Variants in SNTB1 observed in about 807,000 individuals in gnomAD.
The protein encoded by SNTB1 is beta-1-syntrophin.
In SNTB1, 36 loss-of-function variants were observed where a neutral mutation model predicts 48.9. That is an observed-to-expected ratio of 0.74 (90% CI 0.56 to 0.97). The LOEUF (loss-of-function observed/expected upper bound fraction) is 0.97, where lower values mean the gene tolerates loss of function less well. SNTB1 is among the 50% of genes least tolerant of loss of function. SNTB1 has a pLI of 0.00. For synonymous variants in SNTB1, 299 were observed against 294.6 expected, an observed-to-expected ratio of 1.01 and a Z score of -0.15; for missense variants, 786 against 703.4, an observed-to-expected ratio of 1.12 and a Z score of -1.33.
At chr8:120,689,152 G>A (rs545678651) in intron 2 of SNTB1, among the ~76,000 whole-genome samples, 1 of 152,338 alleles carries the variant, frequency 6.6e-6, no homozygotes, top group African/African-American at 2.4e-5. Context: ...CAGCAATCCT[G>A]CCTGCTGTTC....
At position 120,594,670 on chromosome 8, in the gene SNTB1, G is replaced by A. The variant is rs529436372; in HGVS notation, c.997-19445C>T. Among the ~76,000 whole-genome samples, 13 of 152,238 alleles carry A rather than the reference G, an allele frequency of 8.5e-5. No individual in the cohort carries two copies. In the South Asian group the frequency reaches 1.9e-3, roughly 22 times the overall value. Reference sequence around the variant, plus strand: ...ATTACAGGTGAAAGCCATGGCAACCGGCTGCTCATGTCTTAATGTATAAAT... The same window carrying A: ...ATTACAGGTGAAAGCCATGGCAACCAGCTGCTCATGTCTTAATGTATAAAT... On this transcript the variant is annotated intron_variant, in intron 3 of 6. Transcript: ENST00000517992.
chr8:120,669,696 C>T lies in SNTB1; in HGVS notation c.788+23996G>A. 5.5e-5 allele frequency among the ~76,000 whole-genome samples: 2 copies of T among 36,096 alleles called. 1 individual carries two copies. The highest frequency in any genetic ancestry group is 9.1e-5 in the Non-Finnish European group (2 of 21,980). 23.7% of individuals were successfully genotyped at this position (36,096 alleles called of 152,430 possible). A position where few individuals can be genotyped will look rare whatever the true frequency, so the allele number is the denominator to read the frequency against. ...CTCGATCTCCTGACCTCGTGATCCA[C>T]CCGCCTTGGCCTCCCAAAGTGCTGG... is the stretch of plus-strand genomic sequence containing the variant. On this transcript the variant is annotated intron_variant, in intron 2 of 6. Transcript: ENST00000517992.
At position 120,617,913 on chromosome 8, in the gene SNTB1, C is replaced by T. The variant is rs539069431; in HGVS notation, c.996+14531G>A. Among the ~76,000 whole-genome samples the T allele has an allele frequency of 3.2e-4, 48 of 152,290 alleles. No individual in the cohort carries two copies. In the South Asian group the frequency reaches 5.8e-3, roughly 18 times the overall value. On this transcript the variant is annotated intron_variant, in intron 3 of 6. Coordinates refer to ENST00000517992, the MANE Select transcript of SNTB1 (RefSeq NM_021021.4). ...AAAGAAGAATTCTAAAAATGCAATA[C>T]AGCAGCAAACGAGTGAAGGTACAAC...
chr8:120,685,462 T>C (rs1818014684), intron 2 of SNTB1, among the ~76,000 whole-genome samples: 1 of 152,204 alleles, frequency 6.6e-6, no homozygotes, highest in South Asian at 2.1e-4. Flanking sequence ...GAGGGCAGCC[T>C]AAGCCATGCC....
At position 120,704,483 on chromosome 8, in the gene SNTB1, G is replaced by C. The variant is rs144840703; in HGVS notation, c.572-10575C>G. On this transcript the variant is annotated intron_variant, in intron 1 of 6. Coordinates refer to ENST00000517992, the MANE Select transcript of SNTB1 (RefSeq NM_021021.4). Reference sequence around the variant, plus strand: ...AAAAAAAAGAGAAAAAACAAAAAACGTTTAATCTGCAGTGTTTTCTTTTCA... The same window carrying C: ...AAAAAAAAGAGAAAAAACAAAAAACCTTTAATCTGCAGTGTTTTCTTTTCA... Among the ~76,000 whole-genome samples the C allele has an allele frequency of 9.9e-5, 15 of 151,818 alleles. No individual in the cohort carries two copies. In the East Asian group the frequency reaches 2.3e-3, roughly 23 times the overall value.
chr8:120,628,602 C>T (rs1375317233), intron 3 of SNTB1, among the ~76,000 whole-genome samples: 2 of 152,036 alleles, frequency 1.3e-5, no homozygotes, highest in African/African-American at 2.4e-5. Context: ...TCTAAAACTA[C>T]AAAAATTAGC....
chr8:120,667,081 T>TTCTC (rs35665089), intron 2 of SNTB1, among the ~76,000 whole-genome samples: 1,913 of 143,364 alleles, frequency 0.013, 47 homozygotes, highest in African/African-American at 0.038. Flanking sequence ...TGTTTGGTAA[T>TTCTC]TCTCTCTCTC....
Position 120,811,601 on chromosome 8 carries a change from G to A in SNTB1, c.243C>T (p.Gly81=), listed in dbSNP as rs1158781897. The part of the protein sequence containing the change: ...GAGAGHPGAG[G]AQPPDSPAGV... ...CGGCGGGCGAGTCCGGGGGCTGCGC[G>A]CCGCCCGCGCCCGGGTGCCCAGCCC... Residue 81 remains glycine, a synonymous_variant, in exon 1 of 7, where the codon GGC becomes GGT. Coordinates refer to ENST00000517992, the MANE Select transcript of SNTB1 (RefSeq NM_021021.4). 1 of 1,572,104 alleles carries A rather than the reference G, an allele frequency of 6.4e-7. No homozygotes were observed. The highest frequency in any genetic ancestry group is 8.6e-7 in the Non-Finnish European group (1 of 1,163,116).
intron 1 of SNTB1, among the ~76,000 whole-genome samples, chr8:120,705,855 C>T (rs538016186): frequency 6.6e-6 from 1 of 152,286 alleles, no homozygotes; most frequent in Non-Finnish European, 1.5e-5. Flanking sequence ...TTAGAATCCT[C>T]ATCTGTATAA....
intron 4 of SNTB1, among the ~76,000 whole-genome samples, chr8:120,554,514 C>A (rs566365197): frequency 2.0e-5 from 3 of 152,118 alleles, no homozygotes; most frequent in African/African-American, 7.2e-5. Context: ...GGGGGTGCTC[C>A]TTATAGTTTT....
At chr8:120,632,889 C>G (rs1817007834) in intron 2 of SNTB1, among the ~76,000 whole-genome samples, 1 of 152,188 alleles carries the variant, frequency 6.6e-6, no homozygotes, top group Non-Finnish European at 1.5e-5. Context: ...ACCACCAAAT[C>G]ACCTAAATTA....
intron 3 of SNTB1, among the ~76,000 whole-genome samples, chr8:120,590,259 T>C (rs1180090535): frequency 6.6e-6 from 1 of 152,226 alleles, no homozygotes; most frequent in African/African-American, 2.4e-5. Flanking sequence ...CACTTTACTT[T>C]TCCCCCTCAA....
intron 4 of SNTB1, among the ~76,000 whole-genome samples, chr8:120,564,147 T>A (rs901621959): frequency 6.6e-6 from 1 of 151,944 alleles, no homozygotes; most frequent in Non-Finnish European, 1.5e-5. Context: ...ACATAGGTCA[T>A]TGAATGGCAT....
chr8:120,759,336 C>T (rs1819373491), intron 1 of SNTB1, among the ~76,000 whole-genome samples: 1 of 152,132 alleles, frequency 6.6e-6, no homozygotes, highest in Non-Finnish European at 1.5e-5. Flanking sequence ...TAGAAATGTC[C>T]AAGCATTCTA....
chr8:120,558,316 A>C (rs1260324363), intron 4 of SNTB1, among the ~76,000 whole-genome samples: 1 of 152,238 alleles, frequency 6.6e-6, no homozygotes, highest in African/African-American at 2.4e-5. Context: ...CCAAGAGAAG[A>C]TAACTTTCTT....
chr8:120,692,309 T>A (rs1014707073), intron 2 of SNTB1, among the ~76,000 whole-genome samples: 8 of 152,100 alleles, frequency 5.3e-5, no homozygotes, highest in Non-Finnish European at 1.0e-4. Context: ...CTTTTCCCCA[T>A]GAGCAACTCT....
intron 3 of SNTB1, among the ~76,000 whole-genome samples, chr8:120,592,847 C>T (rs1001047313): frequency 6.6e-6 from 1 of 152,186 alleles, no homozygotes; most frequent in African/African-American, 2.4e-5. Context: ...GAATTAAATG[C>T]CACTGGGGAG....
intron 1 of SNTB1, among the ~76,000 whole-genome samples, chr8:120,760,566 A>G (rs182776869): frequency 1.4e-4 from 21 of 152,272 alleles, no homozygotes; most frequent in Middle Eastern, 6.8e-3. Flanking sequence ...GCACATTTGT[A>G]TGAGTTTTAC....
chr8:120,549,958 T>C (rs564789350), intron 4 of SNTB1, among the ~76,000 whole-genome samples: 321 of 152,310 alleles, frequency 2.1e-3, no homozygotes, highest in African/African-American at 7.3e-3. Context: ...AAGCATATGG[T>C]GGATACAAGA....
Sources: allele counts gnomAD v4.1 joint callset (sites outside exome capture counted in the v4.1 genomes callset), GRCh38; gene constraint gnomAD v4.1.1; transcripts MANE v1.5; gene names NCBI Gene and HGNC (gene_info 2026-07-23, HGNC 2026-07-21).